CFAP92: variants seen among roughly 807,000 people sequenced by gnomAD.
CFAP92 encodes uncharacterized protein CFAP92.
Under a neutral mutation model 106.3 loss-of-function variants are expected in CFAP92, and 86 were observed. That is an observed-to-expected ratio of 0.81 (90% CI 0.68 to 0.97). CFAP92 has a LOEUF of 0.97. Among genes scored for constraint, CFAP92 ranks in the 50% least tolerant of loss-of-function variants. The pLI is 0.00. For synonymous variants in CFAP92, 477 were observed against 506.4 expected, an observed-to-expected ratio of 0.94 and a Z score of 0.78; for missense variants, 1,204 against 1,283.8, an observed-to-expected ratio of 0.94 and a Z score of 0.95.
intron 12 of CFAP92, among the ~76,000 whole-genome samples, chr3:128,921,490 G>A (rs942537675): frequency 2.6e-5 from 4 of 152,250 alleles, no homozygotes; most frequent in African/African-American, 9.6e-5. Context: ...GATGGCATTG[G>A]AGGTAACTTA....
chr3:129,020,224 A>T, the CFAP92 span, among the ~76,000 whole-genome samples: 41 of 152,342 alleles, frequency 2.7e-4, no homozygotes, highest in Admixed American at 1.0e-3. Flanking sequence ...AACAAGCAGG[A>T]AGCTGTAAAC....
chr3:128,987,479 G>T, intron 4 of CFAP92, 137 bp downstream of exon 4: 1 of 704,366 alleles, frequency 1.4e-6, no homozygotes, highest in Non-Finnish European at 2.4e-6. Flanking sequence ...GGCCTGGTGG[G>T]ATGCCCTGCA....
At chr3:128,922,135 C>T (rs956576214) in intron 12 of CFAP92, among the ~76,000 whole-genome samples, 3 of 151,940 alleles carry the variant, frequency 2.0e-5, no homozygotes, top group African/African-American at 4.8e-5. Context: ...GTCAGGAGAT[C>T]GAGACCATTC....
upstream of CFAP92, chr3:128,994,089 C>T (rs1435521947): frequency 1.0e-6 from 1 of 985,782 alleles, no homozygotes; most frequent in Non-Finnish European, 1.2e-6. Context: ...GAGGAGCGTC[C>T]GCCGGTGCAG....
chr3:128,978,800 T>C (rs1017431428), intron 4 of CFAP92, among the ~76,000 whole-genome samples: 4 of 152,124 alleles, frequency 2.6e-5, no homozygotes, highest in African/African-American at 9.7e-5. Context: ...ATACAAAAAT[T>C]AATTCAAGAT....
chr3:129,002,056 G>A, intron 1 of CFAP92: 2 of 1,540,022 alleles, frequency 1.3e-6, no homozygotes, highest in East Asian at 2.5e-5. Context: ...CTCACCTTCC[G>A]CCAGTTCCAC....
At chr3:128,975,960 C>A (rs903104053) in intron 6 of CFAP92, 57 bp from the exon 7 acceptor site, 7 of 1,535,384 alleles carry the variant, frequency 4.6e-6, no homozygotes, top group Non-Finnish European at 5.3e-6. Flanking sequence ...GGGGCCAGAT[C>A]TGAGAATCTA....
chr3:129,021,508 A>T, the CFAP92 span, among the ~76,000 whole-genome samples: 1 of 152,140 alleles, frequency 6.6e-6, no homozygotes, highest in Admixed American at 6.5e-5. Context: ...CGGGAGGCGG[A>T]GGTTGTGGTG....
In CFAP92 at chr3:128,931,525, G is replaced by GTA. The variant is rs766426721; in HGVS notation, c.2751+1174_2751+1175insTA. ...TATATATGTATATATATGTATGTATGTGTATATATATATATATATTACACA... is the reference window on the plus strand; with the variant it reads ...TATATATGTATATATATGTATGTATGTATGTATATATATATATATATTACACA... On this transcript the variant is annotated intron_variant, in intron 12 of 15. Transcript: ENST00000645291. Among the ~76,000 whole-genome samples the GTA allele has an allele frequency of 7.8e-3, 946 of 120,618 alleles. 12 individuals are homozygous for GTA. Among genetic ancestry groups the GTA allele is most frequent in the African/African-American group, 0.034 (857 of 25,466 alleles). The allele number at this position is 120,618 out of a possible 152,430, so 79.1% of individuals were successfully genotyped here.
chr3:128,952,597 T>C (rs1194979015), intron 9 of CFAP92, among the ~76,000 whole-genome samples: 2 of 152,048 alleles, frequency 1.3e-5, no homozygotes, highest in East Asian at 1.9e-4. Flanking sequence ...ATGAAAAAAT[T>C]AGTTGCTCAG....
intron 9 of CFAP92, among the ~76,000 whole-genome samples, chr3:128,952,903 T>C (rs1407962252): frequency 6.6e-6 from 1 of 151,388 alleles, no homozygotes; most frequent in Non-Finnish European, 1.5e-5. Flanking sequence ...ACCAAGATAG[T>C]GAAACCCCAT....
chr3:128,936,223 A>G (rs1939007301), intron 10 of CFAP92, among the ~76,000 whole-genome samples: 1 of 152,236 alleles, frequency 6.6e-6, no homozygotes, highest in African/African-American at 2.4e-5. Context: ...GAAGTCTACA[A>G]TGCCTTCATC....
intron 10 of CFAP92, among the ~76,000 whole-genome samples, chr3:128,944,522 C>T (rs1481950598): frequency 6.6e-6 from 1 of 152,168 alleles, no homozygotes; most frequent in Non-Finnish European, 1.5e-5. Flanking sequence ...GAGATCCGAT[C>T]TACCCAAACT....
At chr3:128,984,737 C>G (rs1248776865) in intron 4 of CFAP92, among the ~76,000 whole-genome samples, 2 of 152,214 alleles carry the variant, frequency 1.3e-5, no homozygotes, top group East Asian at 3.8e-4. Flanking sequence ...CTAGAGAACA[C>G]TGACTAGTAC....
At chr3:129,002,494 C>A in intron 1 of CFAP92, 1 of 1,273,622 alleles carries the variant, frequency 7.9e-7, no homozygotes, top group Non-Finnish European at 1.0e-6. Flanking sequence ...CTGTTCCTCC[C>A]CATTCCACTC....
At chr3:129,004,002 T>C (rs1226979433), upstream of CFAP92, 2 of 1,505,116 alleles carry the variant, frequency 1.3e-6, no homozygotes, top group African/African-American at 2.9e-5. Context: ...GTGCGAGAGC[T>C]GGAGGCGCTG....
upstream of CFAP92, among the ~76,000 whole-genome samples, chr3:128,995,265 G>A (rs1273666614): frequency 6.6e-6 from 1 of 152,226 alleles, no homozygotes; most frequent in Non-Finnish European, 1.5e-5. Context: ...CAGGGCATGG[G>A]ACAGCCCCTT....
chr3:128,953,224 A>C (rs1940984868), intron 9 of CFAP92, among the ~76,000 whole-genome samples: 1 of 151,752 alleles, frequency 6.6e-6, no homozygotes, highest in East Asian at 1.9e-4. Context: ...AAATAGAAAT[A>C]CCCAATCTGG....
the CFAP92 span, among the ~76,000 whole-genome samples, chr3:129,021,442 G>A: frequency 6.6e-6 from 1 of 152,162 alleles, no homozygotes; most frequent in Non-Finnish European, 1.5e-5. Flanking sequence ...GGCAGGGAAT[G>A]CCTGGCCTGT....
Sources: allele counts gnomAD v4.1 joint callset (sites outside exome capture counted in the v4.1 genomes callset), GRCh38; gene constraint gnomAD v4.1.1; transcripts MANE v1.5; gene names NCBI Gene and HGNC (gene_info 2026-07-23, HGNC 2026-07-21).